The following PUM1 variants were observed in gnomAD, a reference collection of about 807,000 sequenced individuals.
The protein encoded by PUM1 is pumilio homolog 1.
PUM1 carries 13 observed loss-of-function variants against 131.8 expected under a neutral mutation model. That is an observed-to-expected ratio of 0.10 (90% CI 0.06 to 0.16). The LOEUF (loss-of-function observed/expected upper bound fraction) is 0.16, where lower values mean the gene tolerates loss of function less well. PUM1 is among the 10% of genes least tolerant of loss of function. The pLI is 1.00. For missense variants in PUM1, 961 were observed against 1,512.4 expected (o/e 0.64, Z 6.05); for synonymous variants, 509 against 556.5 (o/e 0.91, Z 1.20).
intron 3 of PUM1, among the ~76,000 whole-genome samples, chr1:31,012,155 A>G (rs1377398031): frequency 1.3e-5 from 2 of 152,102 alleles, no homozygotes; most frequent in East Asian, 3.9e-4. Flanking sequence ...CCTATAGCCA[A>G]CCATGCCAAT....
At position 30,967,198 on chromosome 1, in the gene PUM1, T is replaced by G; in HGVS notation, c.1758A>C (p.Pro586=). The part of the protein sequence containing the change: ...GAPVRLVAPA[P]VIISSSAAQA... ...GTGCAGCTGAGGAACTAATGATGAC[T>G]GGGGCAGGAGCTACAAGTCGAACAG... The change falls in exon 12 of 22, where the codon CCA becomes CCC. Residue 586 remains proline, a synonymous_variant. Transcript: ENST00000426105. 1 of 1,614,156 alleles carries G rather than the reference T, an allele frequency of 6.2e-7. No individual in the cohort carries two copies. Among genetic ancestry groups the G allele is most frequent in the Non-Finnish European group, 8.5e-7 (1 of 1,180,010 alleles).
chr1:31,059,206 G>A lies in PUM1; in HGVS notation c.361C>T (p.Gln121Ter), dbSNP rs1436273429. 1 of 1,560,548 alleles carries A rather than the reference G, an allele frequency of 6.4e-7. No individual in the cohort carries two copies. The highest frequency in any genetic ancestry group is 1.4e-5 in the African/African-American group (1 of 72,752). ...PTGDNIHAEH[Q>*]VRSMDELNHD... ...TAAAATAGTGAACTTTTTTTTACCT[G>A]ATGTTCTGCATGAATGTTATCCCCA... Residue 121 changes from glutamine to a stop codon, truncating the protein, a stop_gained and splice_region_variant, in exon 2 of 22, where the codon CAG becomes TAG. Coordinates refer to ENST00000426105, the MANE Select transcript of PUM1 (RefSeq NM_001020658.2). LOFTEE classifies it high-confidence loss of function.
intron 3 of PUM1, among the ~76,000 whole-genome samples, chr1:31,008,417 T>C (rs1570260889): frequency 6.6e-6 from 1 of 151,998 alleles, no homozygotes; most frequent in Admixed American, 6.6e-5. Flanking sequence ...AAAACATTTG[T>C]CTGGTATTTA....
intron 2 of PUM1, among the ~76,000 whole-genome samples, chr1:31,053,768 G>A (rs917759847): frequency 4.0e-5 from 6 of 151,838 alleles, no homozygotes; most frequent in East Asian, 2.0e-4. Context: ...GAGCCACTGC[G>A]TCCAGCCAAA....
chr1:30,983,983 T>C (rs928881852), intron 7 of PUM1, among the ~76,000 whole-genome samples: 2 of 152,332 alleles, frequency 1.3e-5, no homozygotes, highest in South Asian at 4.1e-4. Context: ...ATACATGGCA[T>C]GTGGGAATAC....
chr1:30,982,653 G>T (rs1022573854), intron 7 of PUM1, among the ~76,000 whole-genome samples: 1 of 152,186 alleles, frequency 6.6e-6, no homozygotes, highest in Non-Finnish European at 1.5e-5. Context: ...GATTGTTTCA[G>T]ACATTAGGAG....
At chr1:31,009,041 G>A (rs1481091362) in intron 3 of PUM1, among the ~76,000 whole-genome samples, 1 of 150,580 alleles carries the variant, frequency 6.6e-6, no homozygotes, top group Non-Finnish European at 1.5e-5. Context: ...AAATTGGCCG[G>A]GCGTGGTGGT....
At chr1:31,014,792 A>G (rs1302566060) in intron 3 of PUM1, among the ~76,000 whole-genome samples, 1 of 146,814 alleles carries the variant, frequency 6.8e-6, no homozygotes, top group African/African-American at 2.6e-5. Flanking sequence ...GTGTCTCAGA[A>G]AAAAAAAAAA....
At chr1:31,061,095 C>T (rs1031989397) in intron 1 of PUM1, among the ~76,000 whole-genome samples, 4 of 151,978 alleles carry the variant, frequency 2.6e-5, no homozygotes, top group African/African-American at 9.7e-5. Flanking sequence ...CACATTATGC[C>T]ATTAGTACTT....
chr1:31,063,131 T>C (rs1341822519), intron 1 of PUM1, among the ~76,000 whole-genome samples: 2 of 152,136 alleles, frequency 1.3e-5, no homozygotes, highest in South Asian at 2.1e-4. Flanking sequence ...GTACTAATAC[T>C]AGACAGTCCC....
chr1:31,060,086 G>T (rs1245919269), intron 1 of PUM1, among the ~76,000 whole-genome samples: 1 of 151,086 alleles, frequency 6.6e-6, no homozygotes, highest in Non-Finnish European at 1.5e-5. Context: ...GACCTCAGGT[G>T]ATCTACCCAC....
chr1:30,979,127 G>C (rs1453787748), intron 9 of PUM1, among the ~76,000 whole-genome samples: 1 of 140,950 alleles, frequency 7.1e-6, no homozygotes, highest in Non-Finnish European at 1.5e-5. Flanking sequence ...GAGAGAGAGA[G>C]AAAGAAAGAG....
chr1:31,019,741 T>C (rs1483027976), intron 3 of PUM1, among the ~76,000 whole-genome samples: 1 of 152,220 alleles, frequency 6.6e-6, no homozygotes, highest in Non-Finnish European at 1.5e-5. Flanking sequence ...ACTGTCTTCA[T>C]AAAACCTGAC....
intron 19 of PUM1, among the ~76,000 whole-genome samples, chr1:30,941,619 G>A (rs1248640598): frequency 6.6e-6 from 1 of 151,912 alleles, no homozygotes; most frequent in Non-Finnish European, 1.5e-5. Context: ...AAAAAACAAG[G>A]GCATACCTAA....
chr1:31,022,847 G>T (rs1236991103), intron 3 of PUM1, among the ~76,000 whole-genome samples: 2 of 152,134 alleles, frequency 1.3e-5, no homozygotes, highest in African/African-American at 2.4e-5. Flanking sequence ...GGGAACTAGG[G>T]TGTTTTTACT....
chr1:30,974,883 A>G, intron 9 of PUM1, 81 bp from the exon 10 acceptor site: 1 of 1,060,672 alleles, frequency 9.4e-7, no homozygotes, highest in Non-Finnish European at 1.4e-6. Flanking sequence ...ATCTGACTCA[A>G]TAGATCCTAC....
At chr1:31,044,549 CT>C (rs1241772743) in intron 2 of PUM1, among the ~76,000 whole-genome samples, 1 of 152,156 alleles carries the variant, frequency 6.6e-6, no homozygotes, top group African/African-American at 2.4e-5. Context: ...CAGAAGTGGA[CT>C]GGTGGTTGCC....
In PUM1 at chr1:30,942,073, G is replaced by A. The variant is rs1374055718; in HGVS notation, c.3045C>T (p.Ile1015=). The change falls in exon 19 of 22, where the codon ATC becomes ATT. Residue 1015 remains isoleucine (I), a synonymous_variant. Coordinates refer to ENST00000426105, the MANE Select transcript of PUM1 (RefSeq NM_001020658.2). ...TCTGGTCAGGGAGACAGTGCTCCAG[G>A]ATTCTCTGAATCACTCGGCAGCCAT... is the stretch of plus-strand genomic sequence containing the variant. ...HPYGCRVIQR[I]LEHCLPDQTL... is the part of the protein sequence containing the mutation. 2.5e-6 allele frequency: 4 copies of A among 1,596,810 alleles called. No individual in the cohort carries two copies. In the African/African-American group the frequency reaches 4.1e-5, roughly 16 times the overall value.
intron 8 of PUM1, 63 bp from the exon 9 acceptor site, chr1:30,980,226 C>G (rs758377548): frequency 1.2e-5 from 15 of 1,292,752 alleles, no homozygotes; most frequent in Non-Finnish European, 1.7e-5. Context: ...TATCAAATAC[C>G]TACACAGTTT....
Sources: gnomAD v4.1 joint callset for allele counts (sites outside exome capture counted in the v4.1 genomes callset) on GRCh38, gnomAD v4.1.1 for gene constraint, MANE v1.5 for transcripts, NCBI Gene and HGNC (gene_info 2026-07-23, HGNC 2026-07-21) for gene names.